The following VSIG8 variants were observed in gnomAD, a reference collection of about 807,000 sequenced individuals.
VSIG8 encodes V-set and immunoglobulin domain containing 8.
A neutral mutation model predicts 42.6 loss-of-function variants in VSIG8; 32 were observed. That is an observed-to-expected ratio of 0.75 (90% confidence interval 0.57 to 1.01). The LOEUF (loss-of-function observed/expected upper bound fraction) is 1.01, where lower values mean the gene tolerates loss of function less well. VSIG8 is among the 50% of genes least tolerant of loss of function. The probability of loss-of-function intolerance (pLI) is 0.00; values close to 1 mark genes in which losing one functional copy is unlikely to be tolerated. For synonymous variants in VSIG8, 290 were observed against 243.8 expected, an observed-to-expected ratio of 1.19 and a Z score of -1.77; for missense variants, 529 against 558.0, an observed-to-expected ratio of 0.95 and a Z score of 0.52.
intron 6 of VSIG8, chr1:159,855,303 C>A: frequency 6.5e-7 from 1 of 1,533,036 alleles, no homozygotes; most frequent in South Asian, 1.2e-5. Context: ...CAGGCCCCTG[C>A]AATCCCTTTC....
chr1:159,858,113 C>G lies in VSIG8; in HGVS notation c.407G>C (p.Arg136Pro). ...ACCTTGGACAGTGACAATGACCTTC[C>G]GGGTGGCCATGGTGGTCTTCTTCAC... Reference protein sequence around the residue: ...CRVKKTTMATRKVIVTVQARP... With the variant: ...CRVKKTTMATPKVIVTVQARP... Residue 136 changes from arginine (R) to proline (P), a missense_variant, in exon 3 of 7, where the codon CGG becomes CCG. Physicochemically the swap from Arg to Pro is moderately radical, Grantham distance 103. Transcript: ENST00000368100. The G allele has an allele frequency of 1.9e-6, 3 of 1,614,182 alleles. No individual in the cohort carries two copies. Among genetic ancestry groups the G allele is most frequent in the Non-Finnish European group, 2.5e-6 (3 of 1,180,024 alleles).
Position 159,855,011 on chromosome 1 carries a change from C to G in VSIG8, c.987G>C (p.Ala329=). ...CGCGCCCGCTGGCCTTGCACCCGGGCGCCACGGCGTCCTCTCTGTGGAAAA... is the reference window on the plus strand; with the variant it reads ...CGCGCCCGCTGGCCTTGCACCCGGGGGCCACGGCGTCCTCTCTGTGGAAAA... ...LASEIREDAV[A]PGCKASGRGS... The change falls in exon 7 of 7, where the codon GCG becomes GCC. Residue 329 remains alanine (A), a synonymous_variant. Coordinates refer to ENST00000368100, the MANE Select transcript of VSIG8 (RefSeq NM_001013661.1). 1 of 1,568,394 alleles carries G rather than the reference C, an allele frequency of 6.4e-7. No homozygotes were observed. The highest frequency in any genetic ancestry group is 2.4e-5 in the East Asian group (1 of 41,874).
intron 1 of VSIG8, chr1:159,860,898 A>C (rs540412666): frequency 6.6e-6 from 1 of 152,216 alleles, no homozygotes; most frequent in South Asian, 2.1e-4. Flanking sequence ...CAAGAAAAGC[A>C]CCTCCACCCT....
Position 159,858,282 on chromosome 1 carries a change from A to G in VSIG8, c.238T>C (p.Tyr80His). The G allele has an allele frequency of 1.2e-6, 2 of 1,614,204 alleles. No individual in the cohort carries two copies. The highest frequency in any genetic ancestry group is 1.7e-6 in the Non-Finnish European group (2 of 1,180,032). Reference protein sequence around the residue: ...AHHRENVFLSYQDKRINHGSL... With the variant: ...AHHRENVFLSHQDKRINHGSL... ...CCATGGTTGATCCTCTTGTCCTGGT[A>G]ACTAAGGAACTGTGAAGAGGAGAGG... Residue 80 changes from tyrosine to histidine, a missense_variant, in exon 3 of 7, where the codon TAC becomes CAC. Tyr to His is a moderately conservative substitution (Grantham distance 83). Coordinates refer to ENST00000368100, the MANE Select transcript of VSIG8 (RefSeq NM_001013661.1).
In VSIG8 at chr1:159,856,506, C is replaced by A; in HGVS notation, c.772+18G>T. ...TCAACCCTCCCAACCACCCAGCCCT[C>A]AAGACTGCTGCACCTACCTGAGACC... On this transcript the variant is annotated intron_variant, in intron 5 of 6. Transcript: ENST00000368100. The A allele has an allele frequency of 6.2e-7, 1 of 1,613,256 alleles. No individual in the cohort carries two copies. Among genetic ancestry groups the A allele is most frequent in the Non-Finnish European group, 8.5e-7 (1 of 1,179,516 alleles).
rs1308226902 is a variant in VSIG8, at chr1:159,854,965, G to A, written c.1033C>T (p.Leu345=). 2.6e-6 allele frequency: 4 copies of A among 1,549,292 alleles called. No homozygotes were observed. The South Asian group carries it at 3.5e-5, about 14-fold the overall frequency. The change falls in exon 7 of 7, where the codon CTG becomes TTG. Residue 345 remains leucine (L), a synonymous_variant. Transcript: ENST00000368100. ...SGRGSRVTHL[L]GYPTQNVSRS... ...CTGACGTTCTGCGTCGGGTACCCCA[G>A]GAGGTGGGTGACGCGGCTGCCGCGC...
At chr1:159,862,296 G>A (rs1649048608) in intron 1 of VSIG8, 177 bp downstream of exon 1, 4 of 590,004 alleles carry the variant, frequency 6.8e-6, no homozygotes, top group Non-Finnish European at 1.2e-5. Flanking sequence ...ATCAGGCACA[G>A]GGTCTCCTGG....
At chr1:159,859,704 T>C (rs1165472064) in intron 1 of VSIG8, among the ~76,000 whole-genome samples, 1 of 152,172 alleles carries the variant, frequency 6.6e-6, no homozygotes, top group Non-Finnish European at 1.5e-5. Flanking sequence ...GCCACAGGTA[T>C]CTGTAGGACA....
At chr1:159,862,155 C>A in intron 1 of VSIG8, 1 of 331,810 alleles carries the variant, frequency 3.0e-6, no homozygotes, top group South Asian at 1.3e-4. Flanking sequence ...CCAGCTCCTG[C>A]AGAGCAATCA....
rs749792668 is a variant in VSIG8, at chr1:159,858,734, C to T, written c.228G>A (p.Val76=). The T allele has an allele frequency of 3.7e-6, 6 of 1,609,364 alleles. No homozygotes were observed. Among genetic ancestry groups the T allele is most frequent in the Non-Finnish European group, 5.1e-6 (6 of 1,177,760 alleles). ...NSDPAHHREN[V]FLSYQDKRIN... ...GGAGACCCCTGTGCCCAGCACTCAC[C>T]ACGTTCTCTCGGTGGTGGGCGGGGT... Residue 76 remains valine, a splice_region_variant and synonymous_variant, in exon 2 of 7, where the codon GTG becomes GTA. Coordinates refer to ENST00000368100, the MANE Select transcript of VSIG8 (RefSeq NM_001013661.1).
intron 5 of VSIG8, 22 bp downstream of exon 5, chr1:159,856,502 C>A: frequency 6.2e-6 from 10 of 1,612,608 alleles, no homozygotes; most frequent in Non-Finnish European, 8.5e-6. Context: ...AACCACCCAG[C>A]CCTCAAGACT....
Position 159,855,429 on chromosome 1 carries a change from T to C in VSIG8, c.972-403A>G, listed in dbSNP as rs530672477. On this transcript the variant is annotated intron_variant, in intron 6 of 6. Coordinates refer to ENST00000368100, the MANE Select transcript of VSIG8 (RefSeq NM_001013661.1). Reference sequence around the variant, plus strand: ...ACCTCCTGCCCCTCAGTCTTCTCCATCTTTCCCTCCATCCCCGAGGCATTG... The same window carrying C: ...ACCTCCTGCCCCTCAGTCTTCTCCACCTTTCCCTCCATCCCCGAGGCATTG... 1.4e-3 allele frequency: 1,983 copies of C among 1,416,048 alleles called. 3 individuals are homozygous for C. Among genetic ancestry groups the C allele is most frequent in the Non-Finnish European group, 1.7e-3 (1,899 of 1,090,188 alleles). The allele number at this position is 1,416,048 out of a possible 1,614,324, so 87.7% of individuals were successfully genotyped here.
At chr1:159,858,626 G>A (rs955011985) in intron 2 of VSIG8, 108 bp downstream of exon 2, 9 of 1,308,822 alleles carry the variant, frequency 6.9e-6, no homozygotes, top group Non-Finnish European at 9.3e-6. Flanking sequence ...TTCCCTGAAA[G>A]GCCTTGGGGG....
Position 159,856,527 on chromosome 1 carries a change from A to G in VSIG8, c.769T>C (p.Ser257Pro). Reference sequence around the variant, plus strand: ...CCCTCAAGACTGCTGCACCTACCTGAGACCTTCACCTCCACCACACAAACA... The same window carrying G: ...CCCTCAAGACTGCTGCACCTACCTGGGACCTTCACCTCCACCACACAAACA... ...YSVCVVEVKV[S>P]DSRRIGVIIG... Residue 257 changes from serine to proline, a missense_variant, in exon 5 of 7, where the codon TCA (serine) becomes CCA (proline). Coordinates refer to ENST00000368100, the MANE Select transcript of VSIG8 (RefSeq NM_001013661.1). 1 of 1,614,064 alleles carries G rather than the reference A, an allele frequency of 6.2e-7. No individual in the cohort carries two copies. Among genetic ancestry groups the G allele is most frequent in the South Asian group, 1.1e-5 (1 of 91,062 alleles).
In VSIG8 at chr1:159,858,908, C is replaced by T; in HGVS notation, c.54G>A (p.Leu18=). ...HLLLVCLSPA[L]LSAVRINGDG... is the part of the protein sequence containing the mutation. ...CCCCGTTGATCCGCACAGCAGACAG[C>T]AGTGCTAGGGGGAGGGCAGAGAAGA... Residue 18 remains leucine (L), a synonymous_variant, in exon 2 of 7, where the codon CTG becomes CTA. Transcript: ENST00000368100. 6.2e-7 allele frequency: 1 copy of T among 1,612,862 alleles called. No individual in the cohort carries two copies. The highest frequency in any genetic ancestry group is 8.5e-7 in the Non-Finnish European group (1 of 1,179,526).
At chr1:159,855,545 T>G in intron 6 of VSIG8, 1 of 985,336 alleles carries the variant, frequency 1.0e-6, no homozygotes, top group Non-Finnish European at 1.2e-6. Context: ...TTAGCTCTTC[T>G]TAAATAATAA....
chr1:159,856,226 G>A, intron 5 of VSIG8, 145 bp from the exon 6 acceptor site: 2 of 828,578 alleles, frequency 2.4e-6, no homozygotes, highest in South Asian at 1.8e-5. Context: ...ACACCCAGTG[G>A]GGAAGATATG....
intron 4 of VSIG8, 90 bp from the exon 5 acceptor site, chr1:159,856,733 G>A (rs145833568): frequency 0.013 from 20,799 of 1,541,322 alleles, 194 homozygotes; most frequent in Middle Eastern, 0.03. Context: ...ACCCACTCTA[G>A]AAGAAGGGAA....
chr1:159,854,911 G>A lies in VSIG8; in HGVS notation c.1087C>T (p.Pro363Ser), dbSNP rs1317153949. ...SRSLRRKYAP[P>S]PCGGPEDVAL... ...ACGTCCTCGGGGCCGCCGCAGGGGG[G>A]AGGCGCGTACTTGCGGCGCAGGGAG... The change falls in exon 7 of 7, where the codon CCC becomes TCC. Residue 363 changes from proline (P) to serine (S), a missense_variant. Coordinates refer to ENST00000368100, the MANE Select transcript of VSIG8 (RefSeq NM_001013661.1). The A allele has an allele frequency of 2.7e-6, 4 of 1,494,866 alleles. No individual in the cohort carries two copies. The highest frequency in any genetic ancestry group is 2.2e-5 in the Admixed American group (1 of 45,842). 92.6% of individuals were successfully genotyped at this position (1,494,866 alleles called of 1,614,324 possible). A position where few individuals can be genotyped will look rare whatever the true frequency, so the allele number is the denominator to read the frequency against.
Sources: allele counts gnomAD v4.1 joint callset (sites outside exome capture counted in the v4.1 genomes callset), GRCh38; gene constraint gnomAD v4.1.1; transcripts MANE v1.5; gene names NCBI Gene and HGNC (gene_info 2026-07-23, HGNC 2026-07-21).